Variants in SKI observed in about 807,000 individuals in gnomAD.
SKI encodes the protein ski oncogene.
In SKI, 23 loss-of-function variants were observed where a neutral mutation model predicts 59.3. The ratio of observed to expected loss-of-function variants is 0.39; its 90% CI spans 0.28 to 0.55. The LOEUF (loss-of-function observed/expected upper bound fraction) is 0.55. SKI is among the 20% of genes least tolerant of loss of function. The pLI, the probability that SKI is intolerant of heterozygous loss-of-function variation, is 0.67. For missense variants in SKI, 1,017 were observed against 1,038.9 expected (o/e 0.98, Z 0.29); for synonymous variants, 673 against 488.6 (o/e 1.38, Z -4.98).
At chr1:2,299,915 G>A (rs1322915473) in intron 1 of SKI, among the ~76,000 whole-genome samples, 1 of 152,168 alleles carries the variant, frequency 6.6e-6, no homozygotes, top group Non-Finnish European at 1.5e-5. Context: ...TGGCTTGCTT[G>A]TGGCAGTGTA....
Position 2,228,795 on chromosome 1 carries a change from GT to G in SKI, c.32del (p.Phe11SerfsTer16). MEAAAGGRG[C>X]FQPHPGLQKT... is the part of the protein sequence containing the mutation. ...GAGGCGGCGGCAGGCGGCCGCGGCT[GT>G]TTCCAGCCGCACCCGGGGCTGCAGA... On this transcript the variant is annotated frameshift_variant, in exon 1 of 7. Transcript: ENST00000378536. LOFTEE classifies it high-confidence loss of function. 7.5e-7 allele frequency: 1 copy of G among 1,331,746 alleles called. No homozygotes were observed. Among genetic ancestry groups the G allele is most frequent in the Non-Finnish European group, 9.7e-7 (1 of 1,028,832 alleles). The allele number at this position is 1,331,746 out of a possible 1,614,324, so 82.5% of individuals were successfully genotyped here.
rs780004210 is a variant in SKI, at chr1:2,229,527, A to G, written c.761A>G (p.Tyr254Cys). 1 of 1,609,392 alleles carries G rather than the reference A, an allele frequency of 6.2e-7. No individual in the cohort carries two copies. The highest frequency in any genetic ancestry group is 8.5e-7 in the Non-Finnish European group (1 of 1,179,676). Residue 254 changes from tyrosine (Y) to cysteine (C), a missense_variant, in exon 1 of 7, where the codon TAC (tyrosine) becomes TGC (cysteine). Physicochemically the swap from Tyr to Cys is radical, Grantham distance 194 (BLOSUM62 -2). Transcript: ENST00000378536. This position sits in a 1 kb window ranked among gnomAD's most constrained non-coding sequence, Gnocchi z 6.3. ...CIQCLDCRLM[Y>C]PPHKFVVHSH... ...CAGTGCCTGGACTGCCGCCTCATGT[A>G]CCCGCCGCACAAGTTCGTGGTGCAC...
intron 1 of SKI, among the ~76,000 whole-genome samples, chr1:2,263,973 C>T (rs1364530217): frequency 6.6e-6 from 1 of 150,416 alleles, no homozygotes; most frequent in Non-Finnish European, 1.5e-5. Context: ...CCCAGGAGTT[C>T]GAGAACAGCC....
At chr1:2,253,258 C>T (rs534718492) in intron 1 of SKI, among the ~76,000 whole-genome samples, 150 of 152,140 alleles carry the variant, frequency 9.9e-4, no homozygotes, top group African/African-American at 3.4e-3. Context: ...CCAGAGCACC[C>T]GGGCCGGTAT....
At chr1:2,261,256 C>G (rs1449223404) in intron 1 of SKI, among the ~76,000 whole-genome samples, 1 of 152,186 alleles carries the variant, frequency 6.6e-6, no homozygotes, top group Non-Finnish European at 1.5e-5. Context: ...GCTGTTACAG[C>G]TATTCGGGAT....
chr1:2,284,774 T>C (rs1196145420), intron 1 of SKI, among the ~76,000 whole-genome samples: 2 of 152,104 alleles, frequency 1.3e-5, no homozygotes, highest in Admixed American at 6.5e-5. Context: ...GGCGTGGCTG[T>C]AAGAATGACA....
intron 1 of SKI, among the ~76,000 whole-genome samples, chr1:2,260,535 C>CTTTCTTTTTT (rs1639362779): frequency 1.5e-5 from 1 of 67,820 alleles, no homozygotes; most frequent in South Asian, 6.6e-4. Context: ...TGTTCTTTTT[C>CTTTCTTTTTT]TTTTTTTTTT....
At chr1:2,263,903 T>G (rs1346974005) in intron 1 of SKI, among the ~76,000 whole-genome samples, 1 of 149,124 alleles carries the variant, frequency 6.7e-6, no homozygotes, top group African/African-American at 2.5e-5. Flanking sequence ...GGGCTAGGCA[T>G]GGTGGCTCAC....
intron 1 of SKI, among the ~76,000 whole-genome samples, chr1:2,265,434 C>A (rs370314016): frequency 6.6e-6 from 1 of 152,308 alleles, no homozygotes; most frequent in Non-Finnish European, 1.5e-5. Flanking sequence ...GCGGATGTTT[C>A]ATCTCTAGAA....
intron 1 of SKI, among the ~76,000 whole-genome samples, chr1:2,239,564 A>G (rs1638821687): frequency 6.6e-6 from 1 of 152,230 alleles, no homozygotes; most frequent in Admixed American, 6.5e-5. Flanking sequence ...GGAGTCAGGA[A>G]GGGTTTCAAC....
intron 1 of SKI, among the ~76,000 whole-genome samples, chr1:2,298,431 C>T (rs549184748): frequency 3.3e-5 from 5 of 152,174 alleles, no homozygotes; most frequent in Non-Finnish European, 7.4e-5. Context: ...GTCCCCGGCT[C>T]CTGGATTGGC....
At chr1:2,293,251 A>G (rs1353343762) in intron 1 of SKI, among the ~76,000 whole-genome samples, 2 of 152,110 alleles carry the variant, frequency 1.3e-5, no homozygotes, top group East Asian at 1.9e-4. Context: ...ATCGGGACTC[A>G]CCATGTTAGA....
At chr1:2,302,552 C>T (rs543414101) in intron 1 of SKI, among the ~76,000 whole-genome samples, 13 of 152,054 alleles carry the variant, frequency 8.5e-5, no homozygotes, top group South Asian at 2.1e-4. Flanking sequence ...GAGTGCCCAG[C>T]GCTGGGCACC....
chr1:2,276,972 G>C (rs1048740947), intron 1 of SKI, among the ~76,000 whole-genome samples: 1 of 152,204 alleles, frequency 6.6e-6, no homozygotes, highest in Non-Finnish European at 1.5e-5. Flanking sequence ...GCATTGGGGA[G>C]ATTCCGACAC....
chr1:2,306,103 G>C lies in SKI; in HGVS notation c.1851G>C (p.Glu617Asp), dbSNP rs146789646. ...AGCGTAACCTGCGGAAGGAGATCGA[G>C]CGTCTCCGCGCCGAGAACGAGAAGA... ...EAKRNLRKEI[E>D]RLRAENEKKM... Residue 617 changes from glutamate to aspartate, a missense_variant, in exon 6 of 7, where the codon GAG (glutamate) becomes GAC (aspartate). Glu to Asp is a conservative substitution (Grantham distance 45). Transcript: ENST00000378536. 2 of 1,600,152 alleles carry C rather than the reference G, an allele frequency of 1.2e-6. No individual in the cohort carries two copies. Among genetic ancestry groups the C allele is most frequent in the South Asian group, 2.3e-5 (2 of 88,600 alleles).
chr1:2,296,062 T>TCC (rs564645750), intron 1 of SKI, among the ~76,000 whole-genome samples: 106 of 152,198 alleles, frequency 7.0e-4, no homozygotes, highest in African/African-American at 2.5e-3. Context: ...TTCCTGTGTC[T>TCC]CCATGTCATC....
chr1:2,279,154 C>A (rs1639813546), intron 1 of SKI, among the ~76,000 whole-genome samples: 1 of 152,216 alleles, frequency 6.6e-6, no homozygotes, highest in African/African-American at 2.4e-5. Flanking sequence ...CATTGGGCGC[C>A]TGACTCTCAG....
intron 1 of SKI, among the ~76,000 whole-genome samples, chr1:2,258,503 C>CTTTTT (rs779297545): frequency 7.4e-6 from 1 of 134,956 alleles, no homozygotes. Flanking sequence ...TGTCATTTTC[C>CTTTTT]TTTTTTTTTT....
chr1:2,308,276 G>C lies in SKI; in HGVS notation c.*1511G>C, dbSNP rs1162169582. The stretch of plus-strand genomic sequence containing the variant: ...GTACAGACGACCTCGGGGCAGTGAC[G>C]AGCAAAGACCAGAGACTGCTGAGCC... On this transcript the variant is annotated 3_prime_UTR_variant, in exon 7 of 7. Transcript: ENST00000378536. 2.0e-5 allele frequency: 3 copies of C among 152,146 alleles called. No homozygotes were observed. Among genetic ancestry groups the C allele is most frequent in the South Asian group, 2.1e-4 (1 of 4,834 alleles). The allele number at this position is 152,146 out of a possible 1,614,324, so 9.4% of individuals were successfully genotyped here. A position where few individuals can be genotyped will look rare whatever the true frequency, so the allele number is the denominator to read the frequency against.
Sources: gnomAD v4.1 joint callset for allele counts (sites outside exome capture counted in the v4.1 genomes callset) on GRCh38, gnomAD v4.1.1 for gene constraint, Gnocchi (gnomAD v3.1) non-coding constraint, MANE v1.5 for transcripts, NCBI Gene and HGNC (gene_info 2026-07-23, HGNC 2026-07-21) for gene names.